Variants in LENG8 observed in about 807,000 individuals in gnomAD.
The protein encoded by LENG8 is leukocyte receptor cluster (LRC) member 8.
Under a neutral mutation model 102.1 loss-of-function variants are expected in LENG8, and 28 were observed. The ratio of observed to expected loss-of-function variants is 0.27; its 90% CI spans 0.20 to 0.38. The LOEUF (loss-of-function observed/expected upper bound fraction) is 0.38. Among genes scored for constraint, LENG8 ranks in the 10% least tolerant of loss-of-function variants. LENG8 has a pLI of 1.00. For synonymous variants in LENG8, 531 were observed against 456.7 expected (o/e 1.16, Z -2.07); for missense variants, 1,022 against 1,113.9 (o/e 0.92, Z 1.17).
chr19:54,454,955 C>A lies in LENG8; in HGVS notation c.684C>A (p.Ala228=), dbSNP rs142791549. ...TAGCTTTCGCTGCCCTCACAGCCGCCCCTGGGACTGGAGGTCTCAAGTTCA... is the reference window on the plus strand; with the variant it reads ...TAGCTTTCGCTGCCCTCACAGCCGCACCTGGGACTGGAGGTCTCAAGTTCA... ...GQQLWNRMKP[A]PGTGGLKFNI... Residue 228 remains alanine (A), a synonymous_variant, in exon 7 of 16, where the codon GCC becomes GCA. Transcript: ENST00000326764. The A allele has an allele frequency of 1.2e-6, 2 of 1,614,064 alleles. No individual in the cohort carries two copies. The highest frequency in any genetic ancestry group is 4.5e-5 in the East Asian group (2 of 44,892).
chr19:54,458,913 T>C (rs1268990244), intron 15 of LENG8: 1 of 1,536,700 alleles, frequency 6.5e-7, no homozygotes, highest in Non-Finnish European at 8.8e-7. Flanking sequence ...ATAGAGACCA[T>C]CTAGACAGCC....
At chr19:54,457,016 G>C (rs534894275) in intron 11 of LENG8, 95 bp downstream of exon 11, 2 of 1,322,300 alleles carry the variant, frequency 1.5e-6, no homozygotes, top group Non-Finnish European at 2.0e-6. Context: ...CCACACGGGG[G>C]CTCTGGTATG....
chr19:54,458,936 G>A, intron 15 of LENG8: 1 of 1,516,666 alleles, frequency 6.6e-7, no homozygotes, highest in Non-Finnish European at 8.8e-7. Flanking sequence ...TGGTCTACCA[G>A]GACAAGGCCC....
At position 54,456,730 on chromosome 19, in the gene LENG8, G is replaced by C. The variant is rs1230554185; in HGVS notation, c.1540G>C (p.Ala514Pro). 6.2e-7 allele frequency: 1 copy of C among 1,612,616 alleles called. No homozygotes were observed. The highest frequency in any genetic ancestry group is 8.5e-7 in the Non-Finnish European group (1 of 1,179,642). ...ERELKKQKRA[A>P]RFQHGHSRRL... ...AGAGCTGAAGAAGCAGAAGCGGGCA[G>C]CCCGCTTCCAGCACGGACACTCCCG... The change falls in exon 11 of 16, where the codon GCC (alanine) becomes CCC (proline). Residue 514 changes from alanine to proline, a missense_variant. Physicochemically the swap from Ala to Pro is conservative, Grantham distance 27 (BLOSUM62 -1). Coordinates refer to ENST00000326764, the MANE Select transcript of LENG8 (RefSeq NM_052925.4).
chr19:54,455,238 G>A (rs2123120547), intron 7 of LENG8, 126 bp from the exon 8 acceptor site: 3 of 1,480,652 alleles, frequency 2.0e-6, no homozygotes, highest in East Asian at 2.3e-5. Flanking sequence ...GTTGCTGTGA[G>A]CACTGAAGGA....
intron 15 of LENG8, chr19:54,459,365 G>T (rs2084414906): frequency 2.0e-6 from 2 of 997,652 alleles, no homozygotes; most frequent in Non-Finnish European, 2.4e-6. Flanking sequence ...GGCTGTCCAC[G>T]TGAGGTCATA....
chr19:54,458,061 A>G, intron 13 of LENG8, 42 bp from the exon 14 acceptor site: 2 of 1,611,622 alleles, frequency 1.2e-6, no homozygotes. Flanking sequence ...TGCCCTCAGC[A>G]CCCTCACTCT....
At chr19:54,457,679 A>G in intron 11 of LENG8, 68 bp from the exon 12 acceptor site, 5 of 1,114,224 alleles carry the variant, frequency 4.5e-6, no homozygotes, top group Non-Finnish European at 6.9e-6. Flanking sequence ...CTCCCACCAA[A>G]TAAGTGGAAG....
At chr19:54,459,967 CTT>C in intron 15 of LENG8, 1 of 1,217,376 alleles carries the variant, frequency 8.2e-7, no homozygotes, top group Non-Finnish European at 1.1e-6. Context: ...CCTAATTGGC[CTT>C]GGTTGGGAAC....
rs2084176184 is a variant in LENG8, at chr19:54,455,442, C to T, written c.900C>T (p.Cys300=). Residue 300 remains cysteine, a synonymous_variant, in exon 8 of 16, where the codon TGC becomes TGT. Transcript: ENST00000326764. ...PQDMKEYVER[C]FTACESEEDK... is the part of the protein sequence containing the mutation. Reference sequence around the variant, plus strand: ...ACATGAAAGAGTATGTGGAGCGCTGCTTCACCGCCTGTGAGTCGGAGGAGG... The same window carrying T: ...ACATGAAAGAGTATGTGGAGCGCTGTTTCACCGCCTGTGAGTCGGAGGAGG... 4.3e-6 allele frequency: 7 copies of T among 1,614,190 alleles called. No individual in the cohort carries two copies. Among genetic ancestry groups the T allele is most frequent in the Non-Finnish European group, 5.9e-6 (7 of 1,180,040 alleles).
At position 54,461,072 on chromosome 19, in the gene LENG8, TC is replaced by T; in HGVS notation, c.*147del. The T allele has an allele frequency of 8.2e-7, 1 of 1,217,680 alleles. No homozygotes were observed. Among genetic ancestry groups the T allele is most frequent in the African/African-American group, 1.5e-5 (1 of 66,552 alleles). 75.4% of individuals were successfully genotyped at this position (1,217,680 alleles called of 1,614,324 possible). ...AGAGCCACCATCCCTGCCCCCGTTT[TC>T]CCACCGGGGAGTCTGTACAGAGATT... On this transcript the variant is annotated 3_prime_UTR_variant, in exon 16 of 16. Coordinates refer to ENST00000326764, the MANE Select transcript of LENG8 (RefSeq NM_052925.4).
intron 15 of LENG8, chr19:54,460,178 G>T: frequency 1.1e-5 from 14 of 1,290,006 alleles, no homozygotes; most frequent in Non-Finnish European, 1.4e-5. Context: ...CTCACTCGGT[G>T]CCTGGGTTCC....
At chr19:54,450,415 C>G (rs542717701) in intron 1 of LENG8, among the ~76,000 whole-genome samples, 14 of 152,114 alleles carry the variant, frequency 9.2e-5, no homozygotes, top group Non-Finnish European at 1.3e-4. Context: ...GGTTAACTTC[C>G]GGAAAATCCC....
intron 15 of LENG8, chr19:54,460,455 C>T: frequency 7.7e-7 from 1 of 1,302,746 alleles, no homozygotes; most frequent in East Asian, 3.5e-5. Flanking sequence ...ACGTGCTGCT[C>T]CCTCCATCTG....
At position 54,456,697 on chromosome 19, in the gene LENG8, C is replaced by T. The variant is rs531329636; in HGVS notation, c.1507C>T (p.Pro503Ser). ...KKMAALECED[P>S]ERELKKQKRA... ...GATGGCGGCGCTGGAGTGTGAGGAC[C>T]CGGAGCGAGAGCTGAAGAAGCAGAA... Residue 503 changes from proline (P) to serine (S), a missense_variant, in exon 11 of 16, where the codon CCG (proline) becomes TCG (serine). By Grantham distance (74) the Pro-to-Ser change is moderately conservative. This residue lies in a region of LENG8 where 326 missense variants were observed against 324.5 expected (regional missense o/e 1.00). Transcript: ENST00000326764. The T allele has an allele frequency of 1.9e-6, 3 of 1,613,316 alleles. No homozygotes were observed. Among genetic ancestry groups the T allele is most frequent in the Non-Finnish European group, 2.5e-6 (3 of 1,179,746 alleles).
Position 54,457,860 on chromosome 19 carries a change from G to A in LENG8, c.1833+12G>A, listed in dbSNP as rs75907476. 0.028 allele frequency: 45,859 copies of A among 1,613,492 alleles called. 772 individuals carry two copies. Among genetic ancestry groups the A allele is most frequent in the Middle Eastern group, 0.039 (238 of 6,062 alleles). On this transcript the variant is annotated intron_variant, in intron 12 of 15. Transcript: ENST00000326764. ...GGCAGGATCTGACGGTGAGACTCGC[G>A]CTGGGAGGGGCCTGGCCTCAGCCAG...
intron 3 of LENG8, 52 bp from the exon 4 acceptor site, chr19:54,452,599 G>T: frequency 6.9e-7 from 1 of 1,440,366 alleles, no homozygotes; most frequent in South Asian, 1.1e-5. Context: ...TTTGGGGGCC[G>T]TGTGCCTGTG....
In LENG8 at chr19:54,456,801, G is replaced by C; in HGVS notation, c.1611G>C (p.Glu537Asp). The part of the protein sequence containing the change: ...EPLVLQMSSL[E>D]SSGADPDWQE... ...TGGTGCTGCAGATGAGCAGCCTGGA[G>C]AGCAGTGGGGCTGACCCTGACTGGC... The change falls in exon 11 of 16, where the codon GAG becomes GAC. Residue 537 changes from glutamate to aspartate, a missense_variant. Transcript: ENST00000326764. 1 of 1,611,488 alleles carries C rather than the reference G, an allele frequency of 6.2e-7. No homozygotes were observed. The highest frequency in any genetic ancestry group is 8.5e-7 in the Non-Finnish European group (1 of 1,179,630).
At chr19:54,450,386 A>T (rs1433610748) in intron 1 of LENG8, among the ~76,000 whole-genome samples, 1 of 152,142 alleles carries the variant, frequency 6.6e-6, no homozygotes, top group Non-Finnish European at 1.5e-5. Flanking sequence ...AGGAACGCTC[A>T]ACGACCACTT....
Sources: allele counts gnomAD v4.1 joint callset (sites outside exome capture counted in the v4.1 genomes callset), GRCh38; gene constraint gnomAD v4.1.1; regional missense constraint gnomAD v4.1.1; transcripts MANE v1.5; gene names NCBI Gene and HGNC (gene_info 2026-07-23, HGNC 2026-07-21).